Variants in GLI2 observed in about 807,000 individuals in gnomAD.
GLI2 encodes transcription activator GLI2.
GLI2 carries 22 observed loss-of-function variants against 78.9 expected under a neutral mutation model. The ratio of observed to expected loss-of-function variants is 0.28; its 90% CI spans 0.20 to 0.40. The LOEUF (loss-of-function observed/expected upper bound fraction) is 0.40, where lower values mean the gene tolerates loss of function less well. GLI2 is among the 10% of genes least tolerant of loss of function. The probability of loss-of-function intolerance (pLI) is 1.00; values close to 1 mark genes in which losing one functional copy is unlikely to be tolerated. For missense variants in GLI2, 2,097 were observed against 2,213.2 expected, an observed-to-expected ratio of 0.95 and a Z score of 1.05; for synonymous variants, 974 against 963.7, an observed-to-expected ratio of 1.01 and a Z score of -0.20.
At position 120,986,313 on chromosome 2, in the gene GLI2, C is replaced by T. The variant is rs1437123653; in HGVS notation, c.1941C>T (p.Cys647=). ...CCAGCCCCGGGGCCCAGTCGTCCTG[C>T]AGCAGCGAGCCCTCTCCTCTGGGCA... ...CQSSPGAQSS[C]SSEPSPLGSA... is the part of the protein sequence containing the mutation. Residue 647 remains cysteine, a synonymous_variant, in exon 13 of 14, where the codon TGC becomes TGT. Transcript: ENST00000361492. The T allele has an allele frequency of 4.3e-6, 7 of 1,613,436 alleles. No homozygotes were observed. Among genetic ancestry groups the T allele is most frequent in the South Asian group, 3.3e-5 (3 of 91,080 alleles).
chr2:120,919,837 C>A (rs1293230574), intron 2 of GLI2, among the ~76,000 whole-genome samples: 1 of 19,148 alleles, frequency 5.2e-5, no homozygotes, highest in Admixed American at 7.6e-4. Context: ...TACATGGTGA[C>A]CCTGGAGCGG....
At chr2:120,940,367 A>G (rs1444777994) in intron 3 of GLI2, among the ~76,000 whole-genome samples, 3 of 152,020 alleles carry the variant, frequency 2.0e-5, no homozygotes, top group Non-Finnish European at 2.9e-5. Context: ...CCTCTGGACT[A>G]TAGTGGTTGT....
At chr2:120,825,721 C>G (rs1178217900) in intron 2 of GLI2, among the ~76,000 whole-genome samples, 1 of 152,244 alleles carries the variant, frequency 6.6e-6, no homozygotes, top group Non-Finnish European at 1.5e-5. Context: ...AGGAAAGCTG[C>G]CTTGATGACA....
intron 2 of GLI2, among the ~76,000 whole-genome samples, chr2:120,823,844 C>T (rs1025605696): frequency 5.9e-5 from 9 of 152,156 alleles, no homozygotes; most frequent in Non-Finnish European, 1.3e-4. Context: ...ACCATGCAGG[C>T]CAAGGGAGGG....
At chr2:120,772,385 C>A (rs539932929) in intron 1 of GLI2, among the ~76,000 whole-genome samples, 1 of 152,186 alleles carries the variant, frequency 6.6e-6, no homozygotes, top group Non-Finnish European at 1.5e-5. Context: ...TTGTTTGTTT[C>A]CACTCAGCAA....
At chr2:120,976,058 C>T (rs1682443125) in intron 9 of GLI2, among the ~76,000 whole-genome samples, 1 of 152,202 alleles carries the variant, frequency 6.6e-6, no homozygotes, top group Non-Finnish European at 1.5e-5. Context: ...CAGAGAAGAA[C>T]TTAAATTCAA....
chr2:120,850,357 G>A (rs1356846722), intron 2 of GLI2, among the ~76,000 whole-genome samples: 3 of 152,164 alleles, frequency 2.0e-5, no homozygotes, highest in South Asian at 2.1e-4. Flanking sequence ...ATCTACAAAC[G>A]AAGGAGGACT....
chr2:120,972,200 G>C, intron 8 of GLI2, 137 bp downstream of exon 8: 1 of 944,884 alleles, frequency 1.1e-6, no homozygotes, highest in South Asian at 1.4e-5. Flanking sequence ...GGGAGGACTG[G>C]GTGGGAATGC....
intron 2 of GLI2, among the ~76,000 whole-genome samples, chr2:120,857,888 G>A (rs76498253): frequency 2.6e-5 from 4 of 151,388 alleles, no homozygotes; most frequent in Admixed American, 6.6e-5. Flanking sequence ...TTCTCCTCGT[G>A]GCCCACTGAG....
rs768879101 is a variant in GLI2 at position 120,841,888 on chromosome 2, T to TGTGTGTGTGTGTGA, written c.148+44421_148+44422insTGTGTGTGTGTGAG. Among the ~76,000 whole-genome samples the TGTGTGTGTGTGTGA allele has an allele frequency of 5.4e-3, 810 of 150,860 alleles. 9 individuals carry two copies. Among genetic ancestry groups the TGTGTGTGTGTGTGA allele is most frequent in the Non-Finnish European group, 6.1e-3 (413 of 67,630 alleles). Reference sequence around the variant, plus strand: ...GTGTGTGTGTGTGTGTGTGTGTGTGTGATGCTGGGCTCTGGGAAAGATAAA... The same window carrying TGTGTGTGTGTGTGA: ...GTGTGTGTGTGTGTGTGTGTGTGTGTGTGTGTGTGTGTGAGATGCTGGGCTCTGGGAAAGATAAA... On this transcript the variant is annotated intron_variant, in intron 2 of 13. Coordinates refer to ENST00000361492, the MANE Select transcript of GLI2 (RefSeq NM_001374353.1).
At chr2:120,828,924 C>T (rs1686218388) in intron 2 of GLI2, among the ~76,000 whole-genome samples, 1 of 151,496 alleles carries the variant, frequency 6.6e-6, no homozygotes, top group South Asian at 2.1e-4. Context: ...AAAGGTCCTC[C>T]TTGCCCCACC....
intron 3 of GLI2, among the ~76,000 whole-genome samples, chr2:120,935,040 C>T (rs1228855069): frequency 6.6e-6 from 1 of 152,222 alleles, no homozygotes; most frequent in Non-Finnish European, 1.5e-5. Flanking sequence ...ATTCTTGGCA[C>T]AGCACCCGAG....
At chr2:120,949,910 C>T (rs1224846406) in intron 3 of GLI2, among the ~76,000 whole-genome samples, 1 of 152,324 alleles carries the variant, frequency 6.6e-6, no homozygotes, top group Admixed American at 6.5e-5. Flanking sequence ...CTCTGGTTTG[C>T]TCAGCCAACA....
chr2:120,866,310 G>A (rs1016393176), intron 2 of GLI2: 4 of 152,342 alleles, frequency 2.6e-5, no homozygotes, highest in African/African-American at 9.6e-5. Context: ...GCGGGTGGCC[G>A]ACTCTGGAGT....
chr2:120,904,954 G>C lies in GLI2; in HGVS notation c.149-22407G>C, dbSNP rs567271313. ...GGAAGGACAGAGCGCCTGAGCTGCA[G>C]GCTTTCCCTCAGCCATTAAAGTTTA... On this transcript the variant is annotated intron_variant, in intron 2 of 13. Transcript: ENST00000361492. 6.6e-5 allele frequency among the ~76,000 whole-genome samples: 10 copies of C among 152,322 alleles called. No homozygotes were observed. In the East Asian group the frequency reaches 1.2e-3, roughly 18 times the overall value.
chr2:120,933,678 G>A lies in GLI2; in HGVS notation c.254+6212G>A, dbSNP rs895466823. 6.6e-5 allele frequency among the ~76,000 whole-genome samples: 10 copies of A among 152,316 alleles called. No homozygotes were observed. In the East Asian group the frequency reaches 1.9e-3, roughly 29 times the overall value. On this transcript the variant is annotated intron_variant, in intron 3 of 13. Transcript: ENST00000361492. ...GGCGAGGAAGGGTCCCTAAGTTGGT[G>A]CTCCCCATTTCCTCAGTGTATGTGG...
chr2:120,803,508 C>T (rs927522085), intron 2 of GLI2, among the ~76,000 whole-genome samples: 3 of 152,216 alleles, frequency 2.0e-5, no homozygotes, highest in African/African-American at 2.4e-5. Context: ...CCTGCTGACC[C>T]GTTGAGGCTG....
chr2:120,745,836 G>A (rs1025254651), intron 1 of GLI2, among the ~76,000 whole-genome samples: 2 of 152,198 alleles, frequency 1.3e-5, no homozygotes, highest in Non-Finnish European at 2.9e-5. Context: ...GTCTGAAGAG[G>A]CTCAGGATTC....
At chr2:120,915,970 C>T (rs142642965) in intron 2 of GLI2, among the ~76,000 whole-genome samples, 7 of 152,298 alleles carry the variant, frequency 4.6e-5, no homozygotes, top group African/African-American at 7.2e-5. Context: ...GCCTAGTAGG[C>T]GCATGGACAT....
Sources: allele counts gnomAD v4.1 joint callset (sites outside exome capture counted in the v4.1 genomes callset), GRCh38; gene constraint gnomAD v4.1.1; transcripts MANE v1.5; gene names NCBI Gene and HGNC (gene_info 2026-07-23, HGNC 2026-07-21).